PCDH15: variants seen among roughly 807,000 people sequenced by gnomAD.
The protein encoded by PCDH15 is protocadherin-15.
A neutral mutation model predicts 178.5 loss-of-function variants in PCDH15; 129 were observed. The ratio of observed to expected loss-of-function variants is 0.72; its 90% CI spans 0.63 to 0.84. The LOEUF (loss-of-function observed/expected upper bound fraction) is 0.84. Among genes scored for constraint, PCDH15 ranks in the 40% least tolerant of loss-of-function variants. The pLI is 0.00. For missense variants in PCDH15, 2,230 were observed against 2,099.9 expected (o/e 1.06, Z -1.21); for synonymous variants, 800 against 732.0 (o/e 1.09, Z -1.50).
Position 53,807,096 on chromosome 10 carries a change from TCAA to T in PCDH15, c.4703_4705del (p.Val1568del), listed in dbSNP as rs748372250. 6.2e-7 allele frequency: 1 copy of T among 1,611,756 alleles called. No homozygotes were observed. ...AGTTGAGCTGGTTTCATACTCTCGA[TCAA>T]CAACTAACTTGATCATTCTTTTTCT... is the stretch of plus-strand genomic sequence containing the variant. On this transcript the variant is annotated inframe_deletion, in exon 38 of 38. Coordinates refer to ENST00000644397, the MANE Select transcript of PCDH15 (RefSeq NM_001384140.1).
chr10:54,963,901 G>T lies in PCDH15; in HGVS notation c.-79-66401C>A, dbSNP rs553745506. ...TTGCCAGGGAAGAAATCTTTACTTG[G>T]ATGCTACAGCTGAGACAATGGTGAT... On this transcript the variant is annotated intron_variant, in intron 2 of 5. Coordinates refer to the PCDH15 transcript ENST00000458638. Among the ~76,000 whole-genome samples, 7 of 152,306 alleles carry T rather than the reference G, an allele frequency of 4.6e-5. No individual in the cohort carries two copies. In the South Asian group the frequency reaches 1.4e-3, roughly 32 times the overall value.
intron 14 of PCDH15, among the ~76,000 whole-genome samples, chr10:54,133,977 A>T (rs1403777338): frequency 1.5e-5 from 2 of 136,132 alleles, no homozygotes; most frequent in African/African-American, 5.1e-5. Context: ...TGAATTTAAC[A>T]AAGTCATGAT....
intron 2 of PCDH15, among the ~76,000 whole-genome samples, chr10:54,558,999 A>G (rs1305530411): frequency 6.6e-6 from 1 of 152,060 alleles, no homozygotes; most frequent in African/African-American, 2.4e-5. Context: ...AAGAATAGCA[A>G]TAGGTTTGGC....
intron 1 of PCDH15, among the ~76,000 whole-genome samples, chr10:55,198,653 A>C (rs2132155726): frequency 6.7e-6 from 1 of 149,434 alleles, no homozygotes; most frequent in South Asian, 2.1e-4. Context: ...ACGCCCAGCT[A>C]ATTTTTTTTT....
chr10:55,381,061 G>A lies in PCDH15; in HGVS notation c.-155-214410C>T, dbSNP rs375363129. 3.9e-5 allele frequency among the ~76,000 whole-genome samples: 6 copies of A among 152,306 alleles called. No individual in the cohort carries two copies. In the South Asian group the frequency reaches 1.2e-3, roughly 32 times the overall value. On this transcript the variant is annotated intron_variant, in intron 2 of 5. Coordinates refer to the PCDH15 transcript ENST00000613346. ...CTGTTAATAAATGTTGAGAGGCTGA[G>A]CAATGAGAGGAGGGACAGAAACAAT...
In PCDH15 at chr10:55,108,032, C is replaced by T. The variant is rs149809969; in HGVS notation, c.-80+58544G>A. Among the ~76,000 whole-genome samples, 759 of 152,118 alleles carry T rather than the reference C, an allele frequency of 5.0e-3. 4 individuals carry two copies. Among genetic ancestry groups the T allele is most frequent in the African/African-American group, 0.018 (731 of 41,494 alleles). On this transcript the variant is annotated intron_variant, in intron 2 of 5. Transcript: ENST00000458638. ...TGAAGCTCCCATGATAGAATTGGTG[C>T]CCATATAAAGGGATGAAAAGCCCAG...
At chr10:54,288,887 C>T (rs2059207665) in intron 8 of PCDH15, among the ~76,000 whole-genome samples, 1 of 152,234 alleles carries the variant, frequency 6.6e-6, no homozygotes, top group African/African-American at 2.4e-5. Context: ...GAGCCCACCA[C>T]AGCTCAGCAA....
intron 18 of PCDH15, among the ~76,000 whole-genome samples, chr10:54,042,193 C>T (rs1311517309): frequency 6.6e-6 from 1 of 151,978 alleles, no homozygotes; most frequent in Non-Finnish European, 1.5e-5. Context: ...ATGGTAAATT[C>T]TCTCTTTTAA....
At chr10:54,160,476 T>A (rs1250335818) in intron 13 of PCDH15, among the ~76,000 whole-genome samples, 1 of 152,074 alleles carries the variant, frequency 6.6e-6, no homozygotes, top group Non-Finnish European at 1.5e-5. Flanking sequence ...TAGGAGAAGA[T>A]AATATAGGAG....
intron 15 of PCDH15, among the ~76,000 whole-genome samples, chr10:54,119,711 C>G (rs2095181503): frequency 2.0e-5 from 3 of 151,994 alleles, no homozygotes; most frequent in Non-Finnish European, 4.4e-5. Context: ...TGTCCAACAT[C>G]AATACTTAAG....
chr10:54,359,574 G>A (rs928523610), intron 5 of PCDH15, among the ~76,000 whole-genome samples: 71 of 151,706 alleles, frequency 4.7e-4, no homozygotes, highest in Admixed American at 1.1e-3. Context: ...GAAAAATAAT[G>A]TTTAAATGTA....
At chr10:55,345,806 A>AT (rs1392343274) in intron 2 of PCDH15, among the ~76,000 whole-genome samples, 1 of 151,870 alleles carries the variant, frequency 6.6e-6, no homozygotes, top group African/African-American at 2.4e-5. Context: ...TTTTGAGAGG[A>AT]TTTTTTTCAA....
chr10:54,464,934 A>T (rs1565345364), intron 3 of PCDH15, among the ~76,000 whole-genome samples: 1 of 152,104 alleles, frequency 6.6e-6, no homozygotes, highest in South Asian at 2.1e-4. Context: ...TGAGGTTATG[A>T]TACAAGGTTT....
intron 3 of PCDH15, among the ~76,000 whole-genome samples, chr10:54,506,426 T>G (rs2081172957): frequency 6.6e-6 from 1 of 152,044 alleles, no homozygotes; most frequent in East Asian, 1.9e-4. Context: ...AGTTTTTTTT[T>G]GAGAAATTAA....
intron 7 of PCDH15, among the ~76,000 whole-genome samples, chr10:54,320,300 T>C (rs1354407027): frequency 6.6e-6 from 1 of 152,042 alleles, no homozygotes; most frequent in Non-Finnish European, 1.5e-5. Flanking sequence ...TAATCTCCCC[T>C]TTGACTCCTA....
chr10:55,023,410 A>T (rs1048655220), intron 2 of PCDH15, among the ~76,000 whole-genome samples: 1 of 152,238 alleles, frequency 6.6e-6, no homozygotes, highest in Non-Finnish European at 1.5e-5. Flanking sequence ...TTTAATATTT[A>T]ATTTTAACAC....
At chr10:55,612,659 C>T (rs1362823412) in intron 2 of PCDH15, among the ~76,000 whole-genome samples, 2 of 152,112 alleles carry the variant, frequency 1.3e-5, no homozygotes, top group Non-Finnish European at 2.9e-5. Context: ...AGCAAAATCT[C>T]TCAAAGTAGC....
chr10:54,268,140 C>T (rs1165841947), intron 8 of PCDH15, among the ~76,000 whole-genome samples: 1 of 151,766 alleles, frequency 6.6e-6, no homozygotes, highest in South Asian at 2.1e-4. Context: ...CTACAACCAA[C>T]TGATCTTTAA....
chr10:55,470,810 C>T (rs1336712248), intron 2 of PCDH15, among the ~76,000 whole-genome samples: 1 of 152,042 alleles, frequency 6.6e-6, no homozygotes, highest in African/African-American at 2.4e-5. Flanking sequence ...TGTGCTGCAC[C>T]AGCTCATCCC....
Sources: allele counts gnomAD v4.1 joint callset (sites outside exome capture counted in the v4.1 genomes callset), GRCh38; gene constraint gnomAD v4.1.1; transcripts MANE v1.5; gene names NCBI Gene and HGNC (gene_info 2026-07-23, HGNC 2026-07-21).